The following PPARGC1A variants were observed in gnomAD, a reference collection of about 807,000 sequenced individuals.
The protein encoded by PPARGC1A is peroxisome proliferator-activated receptor gamma coactivator 1-alpha.
A neutral mutation model predicts 88.7 loss-of-function variants in PPARGC1A; 25 were observed. The ratio of observed to expected loss-of-function variants is 0.28; its 90% CI spans 0.21 to 0.39. The LOEUF is 0.39. PPARGC1A is among the 10% of genes least tolerant of loss of function. The pLI is 1.00. For synonymous variants in PPARGC1A, 363 were observed against 355.6 expected (o/e 1.02, Z -0.24); for missense variants, 880 against 968.7 (o/e 0.91, Z 1.22).
At chr4:23,868,428 T>C (rs1712523675) in intron 2 of PPARGC1A, among the ~76,000 whole-genome samples, 1 of 152,148 alleles carries the variant, frequency 6.6e-6, no homozygotes, top group South Asian at 2.1e-4. Flanking sequence ...GGGAAGGTCA[T>C]GTTATATTCT....
chr4:23,944,147 G>A, the PPARGC1A span, among the ~76,000 whole-genome samples: 12 of 152,304 alleles, frequency 7.9e-5, no homozygotes, highest in South Asian at 4.1e-4. Context: ...TGACAAGCAC[G>A]CCACAGTAAT....
At chr4:24,470,324 A>ACACACACACACACACACACT in the PPARGC1A span, among the ~76,000 whole-genome samples, 7 of 107,780 alleles carry the variant, frequency 6.5e-5, no homozygotes, top group African/African-American at 2.4e-4. The surrounding 1 kb of genome is among the most constrained non-coding windows in gnomAD (Gnocchi z 5.8). Context: ...ACACACACAC[A>ACACACACACACACACACACT]CTCTCTCACA....
chr4:24,302,509 G>T, the PPARGC1A span, among the ~76,000 whole-genome samples: 1 of 152,226 alleles, frequency 6.6e-6, no homozygotes, highest in Non-Finnish European at 1.5e-5. Context: ...TTTGATGAAG[G>T]TGGCCCTGAG....
chr4:23,919,124 A>G, the PPARGC1A span, among the ~76,000 whole-genome samples: 8 of 152,334 alleles, frequency 5.3e-5, no homozygotes, highest in East Asian at 1.5e-3. Context: ...TTTGAAAAAA[A>G]TAATGTAAAA....
At chr4:24,408,940 A>T in the PPARGC1A span, among the ~76,000 whole-genome samples, 1 of 152,326 alleles carries the variant, frequency 6.6e-6, no homozygotes, top group African/African-American at 2.4e-5. Context: ...TCTCTTAAAG[A>T]TGTGTTCTTA....
chr4:24,082,973 C>G, the PPARGC1A span, among the ~76,000 whole-genome samples: 37 of 152,204 alleles, frequency 2.4e-4, no homozygotes, highest in East Asian at 4.8e-3. Context: ...AAAATTGAGT[C>G]AAATTTGAAA....
the PPARGC1A span, among the ~76,000 whole-genome samples, chr4:24,215,441 GAAA>G: frequency 1.3e-5 from 2 of 151,602 alleles, no homozygotes; most frequent in African/African-American, 4.8e-5. Context: ...TTCGGAGAGA[GAAA>G]AAAAAATTAT....
intron 2 of PPARGC1A, among the ~76,000 whole-genome samples, chr4:23,852,526 G>C (rs12374310): frequency 0.66 from 99,547 of 151,868 alleles, 33,538 homozygotes; most frequent in African/African-American, 0.82. Context: ...TACCTCCCAT[G>C]AGCACTGGAG....
chr4:23,796,493 T>C (rs1235514270), intron 12 of PPARGC1A, among the ~76,000 whole-genome samples: 1 of 152,132 alleles, frequency 6.6e-6, no homozygotes, highest in African/African-American at 2.4e-5. Context: ...AGAGAAATGC[T>C]TCACATCCCA....
At chr4:24,323,382 G>A in the PPARGC1A span, among the ~76,000 whole-genome samples, 1 of 152,070 alleles carries the variant, frequency 6.6e-6, no homozygotes, top group African/African-American at 2.4e-5. Context: ...CAAAAGAAGT[G>A]AAAAGGCCCT....
At chr4:24,136,298 A>G in the PPARGC1A span, among the ~76,000 whole-genome samples, 2 of 152,224 alleles carry the variant, frequency 1.3e-5, no homozygotes, top group Non-Finnish European at 2.9e-5. Flanking sequence ...TGCCATTTAC[A>G]CAAAGAATAA....
the PPARGC1A span, among the ~76,000 whole-genome samples, chr4:24,231,596 C>T: frequency 6.6e-6 from 1 of 152,290 alleles, no homozygotes; most frequent in East Asian, 1.9e-4. Flanking sequence ...TAATCCTCCC[C>T]GAATTAGCTG....
chr4:24,432,793 G>C, the PPARGC1A span, among the ~76,000 whole-genome samples: 4 of 152,116 alleles, frequency 2.6e-5, no homozygotes, highest in African/African-American at 7.2e-5. Flanking sequence ...TCAGATAATT[G>C]ATTTGAATAA....
chr4:24,397,004 A>G, the PPARGC1A span, among the ~76,000 whole-genome samples: 1 of 152,230 alleles, frequency 6.6e-6, no homozygotes, highest in Non-Finnish European at 1.5e-5. Flanking sequence ...ATAAAGTGTC[A>G]ATAACTTTAG....
the PPARGC1A span, among the ~76,000 whole-genome samples, chr4:24,053,488 A>G: frequency 9.5e-6 from 1 of 105,340 alleles, no homozygotes; most frequent in African/African-American, 2.8e-5. Context: ...AATCCTAAGG[A>G]AAAAATGAGG....
At chr4:23,839,069 T>C (rs1726564365) in intron 2 of PPARGC1A, among the ~76,000 whole-genome samples, 1 of 152,196 alleles carries the variant, frequency 6.6e-6, no homozygotes, top group Non-Finnish European at 1.5e-5. Flanking sequence ...ATTAGACCCA[T>C]GGGAATCCAT....
chr4:24,401,080 G>A, the PPARGC1A span, among the ~76,000 whole-genome samples: 9 of 143,274 alleles, frequency 6.3e-5, no homozygotes, highest in African/African-American at 1.0e-4. Flanking sequence ...GTGCAGTGGC[G>A]CGATCTTGGC....
chr4:24,376,007 T>C, the PPARGC1A span, among the ~76,000 whole-genome samples: 29,720 of 134,864 alleles, frequency 0.22, 3,058 homozygotes, highest in African/African-American at 0.27. Flanking sequence ...TTGTGCAAGA[T>C]GGCAGACATT....
At chr4:24,179,120 G>T in the PPARGC1A span, among the ~76,000 whole-genome samples, 5 of 152,118 alleles carry the variant, frequency 3.3e-5, no homozygotes, top group African/African-American at 1.2e-4. Context: ...AGAGTAATCT[G>T]TGACTGGTCT....
Sources: allele counts gnomAD v4.1 joint callset (sites outside exome capture counted in the v4.1 genomes callset), GRCh38; gene constraint gnomAD v4.1.1; non-coding constraint Gnocchi (gnomAD v3.1); transcripts MANE v1.5; gene names NCBI Gene and HGNC (gene_info 2026-07-23, HGNC 2026-07-21).